B4GALT5: variants seen among roughly 807,000 people sequenced by gnomAD.
The protein encoded by B4GALT5 is beta-1,4-galactosyltransferase 5, also known as UDP-Gal:beta-GlcNAc beta-1,4-galactosyltransferase 5.
In B4GALT5, 11 loss-of-function variants were observed where a neutral mutation model predicts 45.0. The ratio of observed to expected loss-of-function variants is 0.24; its 90% CI spans 0.15 to 0.40. The LOEUF is 0.40. B4GALT5 is among the 10% of genes least tolerant of loss of function. B4GALT5 has a pLI of 1.00. For missense variants in B4GALT5, 337 were observed against 500.2 expected, an observed-to-expected ratio of 0.67 and a Z score of 3.11; for synonymous variants, 185 against 182.9, an observed-to-expected ratio of 1.01 and a Z score of -0.09.
intron 1 of B4GALT5, among the ~76,000 whole-genome samples, chr20:49,695,857 A>C (rs921372760): frequency 6.6e-5 from 10 of 152,236 alleles, no homozygotes; most frequent in African/African-American, 2.2e-4. Flanking sequence ...AAAGAAAACA[A>C]CACATTGAGT....
intron 1 of B4GALT5, among the ~76,000 whole-genome samples, chr20:49,681,238 A>AC (rs2085762773): frequency 1.3e-5 from 2 of 151,382 alleles, no homozygotes; most frequent in South Asian, 4.2e-4. Context: ...AAAAAAAAAA[A>AC]ATAGTAAGAA....
chr20:49,639,636 A>C (rs2085567646), intron 7 of B4GALT5, 42 bp downstream of exon 7: 5 of 1,608,932 alleles, frequency 3.1e-6, no homozygotes, highest in Non-Finnish European at 3.4e-6. Flanking sequence ...CTGCAGTCTA[A>C]GGTAGCATTT....
intron 1 of B4GALT5, among the ~76,000 whole-genome samples, chr20:49,666,395 TA>T (rs2085690877): frequency 6.6e-6 from 1 of 152,194 alleles, no homozygotes; most frequent in Non-Finnish European, 1.5e-5. Flanking sequence ...GGGGGTCTGT[TA>T]GACTGGGTTT....
intron 5 of B4GALT5, 102 bp downstream of exon 5, chr20:49,642,366 T>G: frequency 1.2e-6 from 1 of 864,650 alleles, no homozygotes; most frequent in South Asian, 1.6e-5. Flanking sequence ...ATCCTAAGAT[T>G]TCAGTTTTAT....
At chr20:49,673,642 G>T (rs115902952) in intron 1 of B4GALT5, among the ~76,000 whole-genome samples, 4 of 152,068 alleles carry the variant, frequency 2.6e-5, no homozygotes, top group Non-Finnish European at 5.9e-5. Context: ...ATCACTTCTC[G>T]GCCTTCTGGC....
chr20:49,702,474 T>A (rs1314043155), intron 1 of B4GALT5, among the ~76,000 whole-genome samples: 1 of 152,194 alleles, frequency 6.6e-6, no homozygotes, highest in Non-Finnish European at 1.5e-5. Context: ...AAGGACACTA[T>A]CAGAAGTGAA....
chr20:49,636,948 G>A (rs1487356262), intron 8 of B4GALT5, among the ~76,000 whole-genome samples: 2 of 100,128 alleles, frequency 2.0e-5, no homozygotes, highest in African/African-American at 7.0e-5. Context: ...AGAAAGAAAA[G>A]GTAACACAGC....
chr20:49,699,367 CAAAAAAAAAAAAA>C (rs11476698), intron 1 of B4GALT5, among the ~76,000 whole-genome samples: 1 of 93,798 alleles, frequency 1.1e-5, no homozygotes, highest in Non-Finnish European at 2.1e-5. Flanking sequence ...CCTAAATGGG[CAAAAAAAAAAAAA>C]AAAAAAAAAC....
At chr20:49,643,722 C>T in intron 3 of B4GALT5, 72 bp from the exon 4 acceptor site, 1 of 1,522,218 alleles carries the variant, frequency 6.6e-7, no homozygotes, top group Non-Finnish European at 8.9e-7. Flanking sequence ...GGGTTTTAGT[C>T]TCTGGAGAGC....
In B4GALT5 at chr20:49,635,153, G is replaced by A. The variant is rs1175532454; in HGVS notation, c.*1159C>T. 2 of 152,220 alleles carry A rather than the reference G, an allele frequency of 1.3e-5. No individual in the cohort carries two copies. The highest frequency in any genetic ancestry group is 4.8e-5 in the African/African-American group (2 of 41,426). The allele number at this position is 152,220 out of a possible 1,614,324, so 9.4% of individuals were successfully genotyped here. On this transcript the variant is annotated 3_prime_UTR_variant, in exon 9 of 9. Coordinates refer to ENST00000371711, the MANE Select transcript of B4GALT5 (RefSeq NM_004776.4). ...TCACTGAAGCCAGCTGGTAATGTAGGCACATTGTTCAGAAACTGTGGCCAA... is the reference window on the plus strand; with the variant it reads ...TCACTGAAGCCAGCTGGTAATGTAGACACATTGTTCAGAAACTGTGGCCAA...
chr20:49,638,772 C>T (rs570398368), intron 7 of B4GALT5, among the ~76,000 whole-genome samples: 110 of 151,576 alleles, frequency 7.3e-4, no homozygotes, highest in African/African-American at 2.5e-3. Context: ...AGGAATTTTT[C>T]CTAAATAGGA....
intron 1 of B4GALT5, among the ~76,000 whole-genome samples, chr20:49,664,551 TA>T (rs2085680890): frequency 6.6e-6 from 1 of 151,906 alleles, no homozygotes; most frequent in South Asian, 2.1e-4. Context: ...GGGGCTATTC[TA>T]GATTAGAGAC....
At chr20:49,674,038 C>T (rs2085726793) in intron 1 of B4GALT5, among the ~76,000 whole-genome samples, 1 of 142,800 alleles carries the variant, frequency 7.0e-6, no homozygotes, top group Non-Finnish European at 1.5e-5. Context: ...GAGATTTAGA[C>T]CATCCTGGCT....
chr20:49,666,290 G>T (rs1413079763), intron 1 of B4GALT5, among the ~76,000 whole-genome samples: 2 of 152,216 alleles, frequency 1.3e-5, no homozygotes, highest in Non-Finnish European at 2.9e-5. Context: ...TCCATGGCAT[G>T]TAGAGTGGAG....
intron 1 of B4GALT5, among the ~76,000 whole-genome samples, chr20:49,684,100 C>T (rs1156383558): frequency 2.0e-5 from 3 of 151,712 alleles, no homozygotes; most frequent in Non-Finnish European, 4.4e-5. Context: ...GAGATCACAC[C>T]GCTGCTTTCC....
At chr20:49,657,109 GAGAAA>G (rs1163411213) in intron 1 of B4GALT5, among the ~76,000 whole-genome samples, 1 of 151,882 alleles carries the variant, frequency 6.6e-6, no homozygotes, top group Non-Finnish European at 1.5e-5. Flanking sequence ...GTTCTTCATA[GAGAAA>G]AGAAACCACT....
intron 1 of B4GALT5, among the ~76,000 whole-genome samples, chr20:49,674,019 C>T (rs542274407): frequency 4.1e-5 from 6 of 144,840 alleles, no homozygotes; most frequent in South Asian, 2.2e-4. Flanking sequence ...GGGCGGATCA[C>T]GAGGTCAGGA....
intron 2 of B4GALT5, among the ~76,000 whole-genome samples, chr20:49,649,447 G>A (rs1324513689): frequency 6.6e-6 from 1 of 151,990 alleles, no homozygotes; most frequent in Non-Finnish European, 1.5e-5. Flanking sequence ...AGGCCTGGTG[G>A]TGCGCGCCTG....
chr20:49,634,460 G>A lies in B4GALT5; in HGVS notation c.*1852C>T, dbSNP rs969390539. The A allele has an allele frequency of 3.9e-5, 6 of 152,180 alleles. No individual in the cohort carries two copies. The highest frequency in any genetic ancestry group is 5.9e-5 in the Non-Finnish European group (4 of 68,046). The allele number at this position is 152,180 out of a possible 1,614,324, so 9.4% of individuals were successfully genotyped here. On this transcript the variant is annotated 3_prime_UTR_variant, in exon 9 of 9. Coordinates refer to ENST00000371711, the MANE Select transcript of B4GALT5 (RefSeq NM_004776.4). ...TTTTATGGAAAACAAGGGCGGGGGA[G>A]GAAAACTGGCATTTTCCAGAATTCT... is the stretch of plus-strand genomic sequence containing the variant.
Sources: gnomAD v4.1 joint callset for allele counts (sites outside exome capture counted in the v4.1 genomes callset) on GRCh38, gnomAD v4.1.1 for gene constraint, MANE v1.5 for transcripts, NCBI Gene and HGNC (gene_info 2026-07-23, HGNC 2026-07-21) for gene names.